Variants in WWOX observed in about 807,000 individuals in gnomAD.
WWOX encodes the protein WW domain containing oxidoreductase, also known as WW domain-containing oxidoreductase.
WWOX carries 69 observed loss-of-function variants against 46.2 expected under a neutral mutation model. That is an observed-to-expected ratio of 1.49 (90% CI 1.23 to 1.82). WWOX has a LOEUF of 1.82. Ranked by LOEUF, WWOX falls within the 40% of genes most tolerant of loss-of-function variation. WWOX has a pLI of 0.00. For missense variants in WWOX, 919 were observed against 542.6 expected (o/e 1.69, Z -6.89); for synonymous variants, 359 against 202.6 (o/e 1.77, Z -6.56).
At chr16:78,769,301 C>A (rs1034131228) in intron 8 of WWOX, among the ~76,000 whole-genome samples, 1 of 152,164 alleles carries the variant, frequency 6.6e-6, no homozygotes, top group Non-Finnish European at 1.5e-5. Context: ...TCTGTCCATC[C>A]ATCCATCCAT....
At chr16:78,943,745 T>G (rs1183382072) in intron 8 of WWOX, among the ~76,000 whole-genome samples, 5 of 152,126 alleles carry the variant, frequency 3.3e-5, no homozygotes, top group Admixed American at 3.3e-4. Flanking sequence ...CCAAGACCAT[T>G]AAGCTTCCTG....
chr16:78,439,430 G>A (rs985995027), intron 8 of WWOX, among the ~76,000 whole-genome samples: 1 of 152,174 alleles, frequency 6.6e-6, no homozygotes, highest in African/African-American at 2.4e-5. Flanking sequence ...CTTGCAGGAA[G>A]AAACATACTT....
intron 8 of WWOX, among the ~76,000 whole-genome samples, chr16:78,991,381 C>T (rs2046883428): frequency 6.6e-6 from 1 of 151,968 alleles, no homozygotes; most frequent in Non-Finnish European, 1.5e-5. Context: ...ATCACTTGAG[C>T]CCAGGAGTTT....
intron 8 of WWOX, among the ~76,000 whole-genome samples, chr16:78,725,744 C>T (rs986088309): frequency 6.6e-6 from 1 of 152,068 alleles, no homozygotes; most frequent in African/African-American, 2.4e-5. Context: ...GGTGTCAGCA[C>T]AGCCACGTTC....
At chr16:79,014,400 C>G (rs1305701302) in intron 8 of WWOX, among the ~76,000 whole-genome samples, 1 of 152,148 alleles carries the variant, frequency 6.6e-6, no homozygotes, top group African/African-American at 2.4e-5. Flanking sequence ...ACTGTGGAAC[C>G]TTTAAATTTT....
intron 8 of WWOX, chr16:78,757,162 G>A (rs1384168938): frequency 1.8e-5 from 11 of 614,870 alleles, no homozygotes; most frequent in Non-Finnish European, 3.2e-5. Flanking sequence ...CTGCACCACA[G>A]AAATTCTTGT....
At chr16:78,892,027 T>G (rs1338744242) in intron 8 of WWOX, 1 of 152,144 alleles carries the variant, frequency 6.6e-6, no homozygotes, top group Non-Finnish European at 1.5e-5. Flanking sequence ...ACTCCAGGCC[T>G]ATAATAAAGT....
intron 5 of WWOX, among the ~76,000 whole-genome samples, chr16:78,292,045 G>C (rs1168750005): frequency 2.0e-5 from 3 of 150,584 alleles, no homozygotes; most frequent in African/African-American, 7.3e-5. Flanking sequence ...TGGCTTATGA[G>C]ATGAGGATGA....
intron 8 of WWOX, among the ~76,000 whole-genome samples, chr16:78,590,528 G>C (rs1175511869): frequency 6.6e-6 from 1 of 152,210 alleles, no homozygotes; most frequent in East Asian, 1.9e-4. Context: ...GATTAGACAA[G>C]AAACATTGAA....
chr16:78,414,427 G>C (rs564483489), intron 6 of WWOX, among the ~76,000 whole-genome samples: 2 of 152,228 alleles, frequency 1.3e-5, no homozygotes, highest in East Asian at 3.9e-4. Flanking sequence ...AAATTAGCTG[G>C]GCATGGTGCT....
intron 8 of WWOX, among the ~76,000 whole-genome samples, chr16:78,699,349 T>C (rs1172258900): frequency 6.7e-6 from 1 of 148,566 alleles, no homozygotes; most frequent in African/African-American, 2.6e-5. Context: ...GGCAACATGG[T>C]GAAGCCGTGT....
At chr16:78,601,578 G>A (rs542361246) in intron 8 of WWOX, among the ~76,000 whole-genome samples, 5 of 152,138 alleles carry the variant, frequency 3.3e-5, no homozygotes, top group Non-Finnish European at 7.3e-5. Flanking sequence ...CCGTTAAAGG[G>A]GAAGAAATAG....
intron 8 of WWOX, among the ~76,000 whole-genome samples, chr16:79,109,723 T>G (rs1356287735): frequency 6.6e-6 from 1 of 152,204 alleles, no homozygotes; most frequent in Admixed American, 6.5e-5. Flanking sequence ...AACTCCTTGC[T>G]TTTTCACCAA....
At chr16:78,506,056 T>C (rs2085195385) in intron 8 of WWOX, among the ~76,000 whole-genome samples, 1 of 152,190 alleles carries the variant, frequency 6.6e-6, no homozygotes, top group East Asian at 1.9e-4. Context: ...CTGCTGAGTA[T>C]CGGATTGGTC....
chr16:79,082,188 A>C (rs2048773116), intron 8 of WWOX, among the ~76,000 whole-genome samples: 1 of 152,200 alleles, frequency 6.6e-6, no homozygotes, highest in Non-Finnish European at 1.5e-5. Context: ...CCTGACACTC[A>C]CCTGAAACAA....
intron 8 of WWOX, among the ~76,000 whole-genome samples, chr16:78,724,409 C>T (rs890708909): frequency 6.6e-6 from 1 of 152,076 alleles, no homozygotes; most frequent in Non-Finnish European, 1.5e-5. Flanking sequence ...TTTCCTTGTT[C>T]CAGAAGAAGT....
chr16:79,119,915 G>T (rs933311619), intron 8 of WWOX, among the ~76,000 whole-genome samples: 5 of 152,172 alleles, frequency 3.3e-5, no homozygotes, highest in Admixed American at 3.3e-4. Context: ...GGGCTGGGCA[G>T]GAGAACTGCC....
intron 8 of WWOX, among the ~76,000 whole-genome samples, chr16:79,020,073 G>T (rs1416514070): frequency 1.3e-5 from 2 of 152,172 alleles, no homozygotes; most frequent in Non-Finnish European, 2.9e-5. Context: ...TCATCTGCAT[G>T]GTTGCAGTGG....
intron 8 of WWOX, among the ~76,000 whole-genome samples, chr16:78,764,130 T>G (rs1019698647): frequency 2.6e-5 from 4 of 152,124 alleles, no homozygotes; most frequent in Admixed American, 6.5e-5. Context: ...TGTCACCACT[T>G]TTGCCGAAAA....
Sources: allele counts gnomAD v4.1 joint callset (sites outside exome capture counted in the v4.1 genomes callset), GRCh38; gene constraint gnomAD v4.1.1; transcripts MANE v1.5; gene names NCBI Gene and HGNC (gene_info 2026-07-23, HGNC 2026-07-21).